Variants in LRP6 observed in about 807,000 individuals in gnomAD.
The protein encoded by LRP6 is low-density lipoprotein receptor-related protein 6.
A neutral mutation model predicts 184.1 loss-of-function variants in LRP6; 43 were observed. The ratio of observed to expected loss-of-function variants is 0.23; its 90% CI spans 0.18 to 0.30. The LOEUF is 0.30. LRP6 is among the 10% of genes least tolerant of loss of function. The pLI, the probability that LRP6 is intolerant of heterozygous loss-of-function variation, is 1.00. For missense variants in LRP6, 1,571 were observed against 2,005.3 expected, an observed-to-expected ratio of 0.78 and a Z score of 4.14; for synonymous variants, 719 against 684.9, an observed-to-expected ratio of 1.05 and a Z score of -0.78.
chr12:12,232,543 C>T (rs1200312966), intron 2 of LRP6, among the ~76,000 whole-genome samples: 1 of 146,502 alleles, frequency 6.8e-6, no homozygotes, highest in Non-Finnish European at 1.5e-5. Context: ...CTATATAAAA[C>T]ACTCGAGGAA....
At chr12:12,169,971 A>T (rs11834619) in intron 7 of LRP6, among the ~76,000 whole-genome samples, 10,150 of 152,084 alleles carry the variant, frequency 0.067, 1,049 homozygotes, top group African/African-American at 0.23. Context: ...TCCAGGAGAA[A>T]TATAACACAA....
chr12:12,146,384 T>C (rs934675539), intron 15 of LRP6, among the ~76,000 whole-genome samples: 2 of 152,196 alleles, frequency 1.3e-5, no homozygotes, highest in Admixed American at 6.5e-5. Flanking sequence ...CGTTAACATA[T>C]TTTTGCCATG....
chr12:12,151,996 A>C (rs1432689931), intron 12 of LRP6, among the ~76,000 whole-genome samples: 4 of 152,074 alleles, frequency 2.6e-5, no homozygotes, highest in African/African-American at 4.8e-5. Context: ...ATAATAATAG[A>C]TGCTTTATGA....
rs1450854523 is a variant in LRP6, at chr12:12,260,221, C to CA, written c.55+6459dup. 2.6e-5 allele frequency among the ~76,000 whole-genome samples: 4 copies of CA among 151,388 alleles called. No homozygotes were observed. The South Asian group carries it at 6.3e-4, about 24-fold the overall frequency. On this transcript the variant is annotated intron_variant, in intron 1 of 22. Coordinates refer to ENST00000261349, the MANE Select transcript of LRP6 (RefSeq NM_002336.3). ...GTGAAACCCCGTCTCCACTAAAATA[C>CA]AAAAAAAATTAGCCGGGCGTGTTGG...
intron 10 of LRP6, among the ~76,000 whole-genome samples, chr12:12,161,378 C>G (rs946293023): frequency 1.3e-5 from 2 of 152,114 alleles, no homozygotes; most frequent in Non-Finnish European, 2.9e-5. Flanking sequence ...AACAATTTTC[C>G]TGCTTTAGCC....
intron 3 of LRP6, among the ~76,000 whole-genome samples, chr12:12,195,125 C>T (rs937476862): frequency 2.0e-5 from 3 of 152,070 alleles, no homozygotes; most frequent in Non-Finnish European, 2.9e-5. Context: ...TAGGTTGATA[C>T]CACATCTTGG....
At chr12:12,166,086 T>C (rs978612722) in intron 7 of LRP6, among the ~76,000 whole-genome samples, 14 of 152,200 alleles carry the variant, frequency 9.2e-5, no homozygotes, top group Non-Finnish European at 1.8e-4. Context: ...GATATTTACA[T>C]ATAAGATTAT....
intron 2 of LRP6, among the ~76,000 whole-genome samples, chr12:12,218,960 T>C (rs909124154): frequency 1.2e-4 from 18 of 152,202 alleles, no homozygotes; most frequent in African/African-American, 4.3e-4. Context: ...AATGTGGGGC[T>C]GGGTGTGGTT....
In LRP6 at chr12:12,135,359, G is replaced by A. The variant is rs542540072; in HGVS notation, c.3608-59C>T. The A allele has an allele frequency of 9.1e-6, 11 of 1,209,638 alleles. No homozygotes were observed. The South Asian group carries it at 1.3e-4, about 15-fold the overall frequency. 74.9% of individuals were successfully genotyped at this position (1,209,638 alleles called of 1,614,324 possible). A position where few individuals can be genotyped will look rare whatever the true frequency, so the allele number is the denominator to read the frequency against. On this transcript the variant is annotated intron_variant, in intron 16 of 22. Coordinates refer to ENST00000261349, the MANE Select transcript of LRP6 (RefSeq NM_002336.3). ...GGGGGAGTGGAGGGGGAGAGAAGTG[G>A]GAGAGAAGAGAAAAAGGGACAACCC...
intron 13 of LRP6, among the ~76,000 whole-genome samples, chr12:12,150,508 C>T (rs2136918315): frequency 6.6e-6 from 1 of 152,158 alleles, no homozygotes; most frequent in African/African-American, 2.4e-5. Flanking sequence ...GGAATCAGAA[C>T]CAAGGCCTAT....
chr12:12,204,976 G>GA (rs986535350), intron 2 of LRP6, among the ~76,000 whole-genome samples: 17 of 148,256 alleles, frequency 1.1e-4, no homozygotes, highest in Admixed American at 4.7e-4. Flanking sequence ...AAGAAAAAAA[G>GA]AAAAAAAAAT....
intron 22 of LRP6, 22 bp from the exon 23 acceptor site, chr12:12,121,442 G>C (rs752578138): frequency 1.2e-6 from 2 of 1,611,786 alleles, no homozygotes; most frequent in South Asian, 1.1e-5. Context: ...AGAAAATAAA[G>C]AGAAGCAGTT....
chr12:12,185,238 GC>G, intron 4 of LRP6, among the ~76,000 whole-genome samples: 1 of 152,284 alleles, frequency 6.6e-6, no homozygotes, highest in Admixed American at 6.5e-5. Context: ...GTTCGAGGCT[GC>G]AGGGAGCCGT....
At position 12,169,065 on chromosome 12, in the gene LRP6, C is replaced by A. The variant is rs147896711; in HGVS notation, c.1546-3770G>T. 7.8e-3 allele frequency among the ~76,000 whole-genome samples: 1,192 copies of A among 152,030 alleles called. 15 individuals carry two copies. The highest frequency in any genetic ancestry group is 0.027 in the African/African-American group (1,136 of 41,452). ...CAAACATGGTGAAACCCTGTCTCTA[C>A]TAAAAATAGAAAAATTAGCCGGGAG... On this transcript the variant is annotated intron_variant, in intron 7 of 22. Coordinates refer to ENST00000261349, the MANE Select transcript of LRP6 (RefSeq NM_002336.3).
chr12:12,186,585 G>A (rs140482207), intron 4 of LRP6, among the ~76,000 whole-genome samples: 8 of 151,608 alleles, frequency 5.3e-5, no homozygotes, highest in African/African-American at 1.9e-4. Context: ...TCACCAGGTT[G>A]GCCAGGCTGG....
intron 12 of LRP6, among the ~76,000 whole-genome samples, chr12:12,154,872 T>C (rs1329351202): frequency 1.3e-5 from 2 of 152,220 alleles, no homozygotes; most frequent in African/African-American, 4.8e-5. Flanking sequence ...CACAAAATTA[T>C]CTCTATTTTA....
chr12:12,182,056 G>C (rs1863357835), intron 5 of LRP6, among the ~76,000 whole-genome samples: 1 of 152,140 alleles, frequency 6.6e-6, no homozygotes, highest in Admixed American at 6.5e-5. Flanking sequence ...GAAACAAACA[G>C]CTGCAATGGA....
chr12:12,241,857 T>C (rs974801693), intron 2 of LRP6, among the ~76,000 whole-genome samples: 5 of 152,214 alleles, frequency 3.3e-5, no homozygotes, highest in Admixed American at 3.3e-4. Flanking sequence ...AGCTAAGTCT[T>C]TGGTGAATTC....
chr12:12,159,022 G>A lies in LRP6; in HGVS notation c.2598C>T (p.Arg866=), dbSNP rs765108846. The A allele has an allele frequency of 1.2e-6, 2 of 1,614,200 alleles. No homozygotes were observed. Among genetic ancestry groups the A allele is most frequent in the Non-Finnish European group, 1.7e-6 (2 of 1,180,046 alleles). ...AATCCAAATGGCCCTGAATGATGGT[G>A]CGGTTTTGGCCACTGGTTTTGTTGG... ...ERANKTSGQN[R]TIIQGHLDYV... Residue 866 remains arginine, a synonymous_variant, in exon 12 of 23, where the codon CGC becomes CGT. Transcript: ENST00000261349.
Sources: allele counts gnomAD v4.1 joint callset (sites outside exome capture counted in the v4.1 genomes callset), GRCh38; gene constraint gnomAD v4.1.1; transcripts MANE v1.5; gene names NCBI Gene and HGNC (gene_info 2026-07-23, HGNC 2026-07-21).